Variants in PXDNL observed in about 807,000 individuals in gnomAD.
PXDNL encodes peroxidasin like.
Under a neutral mutation model 150.8 loss-of-function variants are expected in PXDNL, and 145 were observed. The observed-to-expected ratio is 0.96, with a 90% CI of 0.84 to 1.10. The LOEUF (loss-of-function observed/expected upper bound fraction) is 1.10, where lower values mean the gene tolerates loss of function less well. Ranked by LOEUF, PXDNL falls within the 50% of genes least tolerant of loss-of-function variation. PXDNL has a pLI of 0.00. For missense variants in PXDNL, 2,087 were observed against 1,873.9 expected, an observed-to-expected ratio of 1.11 and a Z score of -2.10; for synonymous variants, 757 against 725.7, an observed-to-expected ratio of 1.04 and a Z score of -0.69.
chr8:51,379,525 G>GT (rs1039739320), intron 17 of PXDNL, among the ~76,000 whole-genome samples: 22 of 149,718 alleles, frequency 1.5e-4, no homozygotes, highest in African/African-American at 2.2e-4. Context: ...TTTTAATTGG[G>GT]TTTTTTTTTC....
chr8:51,799,672 G>C (rs1004119000), intron 1 of PXDNL, among the ~76,000 whole-genome samples: 3 of 152,134 alleles, frequency 2.0e-5, no homozygotes, highest in Non-Finnish European at 4.4e-5. Flanking sequence ...CCAAAATATA[G>C]ACCATGGCAA....
At chr8:51,558,248 C>T (rs9650298) in intron 3 of PXDNL, among the ~76,000 whole-genome samples, 42,505 of 151,834 alleles carry the variant, frequency 0.28, 7,542 homozygotes, top group African/African-American at 0.5. Context: ...CCTCCACAAA[C>T]TCTAATTTAA....
chr8:51,459,303 G>A (rs1175411151), intron 8 of PXDNL, among the ~76,000 whole-genome samples: 1 of 152,190 alleles, frequency 6.6e-6, no homozygotes, highest in African/African-American at 2.4e-5. Flanking sequence ...TATTTTAAAT[G>A]CAATTCTAAA....
intron 3 of PXDNL, among the ~76,000 whole-genome samples, chr8:51,582,693 T>A (rs1813234415): frequency 6.6e-6 from 1 of 152,216 alleles, no homozygotes; most frequent in African/African-American, 2.4e-5. Context: ...TTTAAATGAC[T>A]TCATCAATTA....
intron 12 of PXDNL, among the ~76,000 whole-genome samples, chr8:51,438,165 A>C (rs1809451511): frequency 6.6e-6 from 1 of 152,216 alleles, no homozygotes; most frequent in Non-Finnish European, 1.5e-5. Context: ...GAAATCATAG[A>C]TGACACAAAT....
intron 1 of PXDNL, among the ~76,000 whole-genome samples, chr8:51,766,070 C>T (rs750364385): frequency 5.6e-4 from 85 of 152,134 alleles, no homozygotes; most frequent in Non-Finnish European, 1.0e-3. Flanking sequence ...CTCCTGACCT[C>T]GTGATCCACC....
chr8:51,356,649 T>G (rs1806519147), intron 19 of PXDNL, among the ~76,000 whole-genome samples: 1 of 152,226 alleles, frequency 6.6e-6, no homozygotes, highest in African/African-American at 2.4e-5. Flanking sequence ...TCTTTTATGC[T>G]GGTAAAATAA....
At chr8:51,541,685 G>C (rs547367192) in intron 4 of PXDNL, among the ~76,000 whole-genome samples, 245 of 152,182 alleles carry the variant, frequency 1.6e-3, no homozygotes, top group African/African-American at 5.2e-3. Flanking sequence ...GGCTTCCTGA[G>C]CCCCAGTCTC....
chr8:51,658,344 G>GAAATAAAAA (rs1815195202), intron 1 of PXDNL, among the ~76,000 whole-genome samples: 1 of 94,232 alleles, frequency 1.1e-5, no homozygotes, highest in Non-Finnish European at 2.1e-5. Context: ...CCTGTCTCAA[G>GAAATAAAAA]AAAAAAAAAA....
At chr8:51,636,890 C>A (rs1285740613) in intron 2 of PXDNL, among the ~76,000 whole-genome samples, 1 of 151,742 alleles carries the variant, frequency 6.6e-6, no homozygotes, top group Admixed American at 6.6e-5. Context: ...GGACAGACTG[C>A]CTCCTCAAGT....
chr8:51,504,446 T>C (rs993870594), intron 4 of PXDNL, among the ~76,000 whole-genome samples: 1 of 152,178 alleles, frequency 6.6e-6, no homozygotes, highest in African/African-American at 2.4e-5. Context: ...AGTCTCTGAA[T>C]GATTGTCTTT....
At chr8:51,491,565 TAAG>T (rs1393883796) in intron 5 of PXDNL, among the ~76,000 whole-genome samples, 1 of 152,218 alleles carries the variant, frequency 6.6e-6, no homozygotes, top group African/African-American at 2.4e-5. Context: ...GATCCCAAGC[TAAG>T]AAGTCCCTTC....
intron 5 of PXDNL, among the ~76,000 whole-genome samples, chr8:51,487,204 C>CA (rs1810786425): frequency 6.6e-6 from 1 of 152,016 alleles, no homozygotes; most frequent in African/African-American, 2.4e-5. Context: ...AGAGTTTATA[C>CA]AAAGACTTGT....
intron 1 of PXDNL, among the ~76,000 whole-genome samples, chr8:51,688,766 A>G (rs140953456): frequency 2.6e-5 from 4 of 152,362 alleles, no homozygotes; most frequent in East Asian, 1.9e-4. Context: ...CCTGAGGGGA[A>G]CAGATGTTTC....
At chr8:51,531,571 G>A (rs1811908652) in intron 4 of PXDNL, among the ~76,000 whole-genome samples, 2 of 152,196 alleles carry the variant, frequency 1.3e-5, no homozygotes. Flanking sequence ...TCTATAGCAA[G>A]TAAGGCATGA....
intron 2 of PXDNL, among the ~76,000 whole-genome samples, chr8:51,617,339 T>C (rs1379949853): frequency 6.6e-6 from 1 of 152,226 alleles, no homozygotes; most frequent in Non-Finnish European, 1.5e-5. Context: ...TAATAGGAGA[T>C]AGCAAAAAAT....
At chr8:51,650,494 G>A (rs1815011440) in intron 2 of PXDNL, among the ~76,000 whole-genome samples, 2 of 152,152 alleles carry the variant, frequency 1.3e-5, no homozygotes, top group African/African-American at 4.8e-5. Flanking sequence ...AATTTATTAG[G>A]AAGAGATCAG....
intron 19 of PXDNL, among the ~76,000 whole-genome samples, chr8:51,370,542 C>G (rs1216648547): frequency 6.6e-6 from 1 of 152,184 alleles, no homozygotes; most frequent in South Asian, 2.1e-4. Flanking sequence ...CCACCCTCCC[C>G]GGGGTACCAC....
intron 4 of PXDNL, among the ~76,000 whole-genome samples, chr8:51,507,816 C>T (rs1300628542): frequency 2.6e-5 from 4 of 152,132 alleles, no homozygotes; most frequent in Non-Finnish European, 5.9e-5. Context: ...TGTTGCTCAA[C>T]GTCCTATCCT....
Sources: gnomAD v4.1 joint callset for allele counts (sites outside exome capture counted in the v4.1 genomes callset) on GRCh38, gnomAD v4.1.1 for gene constraint, MANE v1.5 for transcripts, NCBI Gene and HGNC (gene_info 2026-07-23, HGNC 2026-07-21) for gene names.